ADGRB3: variants seen among roughly 807,000 people sequenced by gnomAD.
ADGRB3 encodes the protein adhesion G protein-coupled receptor B3.
Under a neutral mutation model 193.4 loss-of-function variants are expected in ADGRB3, and 37 were observed. The ratio of observed to expected loss-of-function variants is 0.19; its 90% CI spans 0.15 to 0.25. ADGRB3 has a LOEUF of 0.25. Ranked by LOEUF, ADGRB3 falls within the 10% of genes least tolerant of loss-of-function variation. The probability of loss-of-function intolerance (pLI) is 1.00; values close to 1 mark genes in which losing one functional copy is unlikely to be tolerated. For missense variants in ADGRB3, 1,637 were observed against 1,852.9 expected (o/e 0.88, Z 2.14); for synonymous variants, 690 against 644.2 (o/e 1.07, Z -1.08).
At chr6:69,014,013 A>G in intron 11 of ADGRB3, 25 bp from the exon 12 acceptor site, 1 of 1,452,666 alleles carries the variant, frequency 6.9e-7, no homozygotes, top group Non-Finnish European at 9.5e-7. Flanking sequence ...GTAATATTAA[A>G]TCTTTTATCT....
chr6:68,863,012 A>G (rs1165982905), intron 3 of ADGRB3, among the ~76,000 whole-genome samples: 3 of 152,040 alleles, frequency 2.0e-5, no homozygotes, highest in Non-Finnish European at 4.4e-5. Flanking sequence ...AGCTATGATT[A>G]TTTTTCCTTT....
chr6:68,732,650 G>A (rs1460946593), intron 3 of ADGRB3, among the ~76,000 whole-genome samples: 1 of 151,864 alleles, frequency 6.6e-6, no homozygotes, highest in Non-Finnish European at 1.5e-5. Flanking sequence ...AGTTTAAAGT[G>A]CCTGAGATCG....
At chr6:68,982,835 C>T (rs550519231) in intron 10 of ADGRB3, among the ~76,000 whole-genome samples, 7 of 152,058 alleles carry the variant, frequency 4.6e-5, no homozygotes, top group African/African-American at 9.7e-5. Flanking sequence ...TCTTTCTACC[C>T]GAGAGGTGCT....
At chr6:68,972,615 C>T (rs1245513480) in intron 8 of ADGRB3, among the ~76,000 whole-genome samples, 1 of 150,560 alleles carries the variant, frequency 6.6e-6, no homozygotes, top group Non-Finnish European at 1.5e-5. Context: ...CTCATAGGTG[C>T]TAACTCGTAG....
In ADGRB3 at chr6:69,014,100, A is replaced by G. The variant is rs1358545959; in HGVS notation, c.1992A>G (p.Ala664=). 5.0e-6 allele frequency: 8 copies of G among 1,602,664 alleles called. No individual in the cohort carries two copies. In the African/African-American group the frequency reaches 8.1e-5, roughly 16 times the overall value. Residue 664 remains alanine, a synonymous_variant, in exon 12 of 32, where the codon GCA becomes GCG. Coordinates refer to ENST00000370598, the MANE Select transcript of ADGRB3 (RefSeq NM_001704.3). The part of the protein sequence containing the change: ...DEENKEKWED[A]QQIYPGSIEL... Reference sequence around the variant, plus strand: ...AAAACAAGGAAAAATGGGAAGATGCACAACAGGTAAGGTTAGGGTTATTTC... The same window carrying G: ...AAAACAAGGAAAAATGGGAAGATGCGCAACAGGTAAGGTTAGGGTTATTTC...
intron 3 of ADGRB3, among the ~76,000 whole-genome samples, chr6:68,843,059 A>AAAC (rs1554203969): frequency 6.6e-6 from 1 of 151,268 alleles, no homozygotes; most frequent in Admixed American, 6.6e-5. Context: ...AACAAAAAAA[A>AAAC]AAACAGGAAA....
chr6:69,097,696 A>ATGTGTG (rs140955477), intron 17 of ADGRB3, among the ~76,000 whole-genome samples: 3 of 150,648 alleles, frequency 2.0e-5, no homozygotes, highest in Non-Finnish European at 4.4e-5. Context: ...GTGTGTATAT[A>ATGTGTG]TGTGTGTGTG....
At chr6:68,878,184 T>G (rs1012791424) in intron 3 of ADGRB3, among the ~76,000 whole-genome samples, 13 of 152,066 alleles carry the variant, frequency 8.5e-5, no homozygotes, top group African/African-American at 3.1e-4. Flanking sequence ...AATACTTCTT[T>G]TTCTTTTTAT....
At position 69,339,315 on chromosome 6, in the gene ADGRB3, C is replaced by A. The variant is rs747620820; in HGVS notation, c.3288-18C>A. 6.2e-7 allele frequency: 1 copy of A among 1,610,532 alleles called. No individual in the cohort carries two copies. The stretch of plus-strand genomic sequence containing the variant: ...TGTGATGTATAGCTACGTAATGTTA[C>A]TTTCTTGGTCTCAACAGGGCGTCTC... On this transcript the variant is annotated intron_variant, in intron 25 of 31. Transcript: ENST00000370598.
At chr6:68,696,349 C>A (rs751895454) in intron 3 of ADGRB3, among the ~76,000 whole-genome samples, 14 of 151,266 alleles carry the variant, frequency 9.3e-5, no homozygotes, top group Non-Finnish European at 1.6e-4. Flanking sequence ...GTTAATAAAG[C>A]CATCTATAAG....
chr6:68,859,870 G>A (rs1765100767), intron 3 of ADGRB3, among the ~76,000 whole-genome samples: 1 of 152,030 alleles, frequency 6.6e-6, no homozygotes, highest in Admixed American at 6.6e-5. Flanking sequence ...TTATTGAGGA[G>A]CCCCAATATT....
intron 3 of ADGRB3, among the ~76,000 whole-genome samples, chr6:68,812,815 C>G (rs1460241702): frequency 1.3e-5 from 2 of 151,566 alleles, no homozygotes; most frequent in African/African-American, 2.4e-5. Flanking sequence ...CTAATGCTAT[C>G]CCTCCCCTAG....
At chr6:68,898,529 G>GTATTTGC (rs1283769909) in intron 3 of ADGRB3, among the ~76,000 whole-genome samples, 4 of 152,058 alleles carry the variant, frequency 2.6e-5, no homozygotes, top group African/African-American at 9.7e-5. Flanking sequence ...AAACTTCAGA[G>GTATTTGC]TATTTGCTTT....
intron 3 of ADGRB3, among the ~76,000 whole-genome samples, chr6:68,914,163 C>T (rs561759519): frequency 6.6e-6 from 1 of 151,134 alleles, no homozygotes; most frequent in East Asian, 1.9e-4. Context: ...GCAAGGCAGG[C>T]CAACATTCAG....
chr6:69,163,803 G>A (rs1775059880), intron 17 of ADGRB3, among the ~76,000 whole-genome samples: 1 of 152,090 alleles, frequency 6.6e-6, no homozygotes, highest in Non-Finnish European at 1.5e-5. Context: ...CGTTCTATGA[G>A]AAAAACCCAC....
At chr6:68,671,531 T>C (rs1768959701) in intron 3 of ADGRB3, among the ~76,000 whole-genome samples, 1 of 152,080 alleles carries the variant, frequency 6.6e-6, no homozygotes, top group Non-Finnish European at 1.5e-5. Flanking sequence ...CTTTTATCTT[T>C]TATTTTCTTG....
intron 20 of ADGRB3, among the ~76,000 whole-genome samples, chr6:69,261,877 T>C (rs1766936955): frequency 6.6e-6 from 1 of 152,056 alleles, no homozygotes; most frequent in Non-Finnish European, 1.5e-5. Context: ...TATTTATTAA[T>C]ACTAGAATAA....
At chr6:68,956,231 A>G (rs1172855161) in intron 7 of ADGRB3, 43 bp downstream of exon 7, 1 of 1,546,012 alleles carries the variant, frequency 6.5e-7, no homozygotes, top group Non-Finnish European at 8.7e-7. Flanking sequence ...CGTACCATGT[A>G]AAGGGCACAT....
chr6:68,883,495 C>A (rs964245795), intron 3 of ADGRB3, among the ~76,000 whole-genome samples: 1 of 152,176 alleles, frequency 6.6e-6, no homozygotes, highest in Admixed American at 6.5e-5. Flanking sequence ...CTCATTGGGT[C>A]TGTACTGCCT....
Sources: gnomAD v4.1 joint callset for allele counts (sites outside exome capture counted in the v4.1 genomes callset) on GRCh38, gnomAD v4.1.1 for gene constraint, MANE v1.5 for transcripts, NCBI Gene and HGNC (gene_info 2026-07-23, HGNC 2026-07-21) for gene names.